DENND5A: variants seen among roughly 807,000 people sequenced by gnomAD.
DENND5A encodes the protein DENN domain-containing protein 5A.
A neutral mutation model predicts 140.3 loss-of-function variants in DENND5A; 64 were observed. The ratio of observed to expected loss-of-function variants is 0.46; its 90% CI spans 0.37 to 0.56. The LOEUF (loss-of-function observed/expected upper bound fraction) is 0.56, where lower values mean the gene tolerates loss of function less well. Among genes scored for constraint, DENND5A ranks in the 20% least tolerant of loss-of-function variants. DENND5A has a pLI of 0.00. For synonymous variants in DENND5A, 605 were observed against 607.7 expected, an observed-to-expected ratio of 1.00 and a Z score of 0.07; for missense variants, 1,292 against 1,593.8, an observed-to-expected ratio of 0.81 and a Z score of 3.22.
chr11:9,245,144 G>A (rs1851413754), intron 1 of DENND5A, among the ~76,000 whole-genome samples: 1 of 151,778 alleles, frequency 6.6e-6, no homozygotes, highest in Non-Finnish European at 1.5e-5. Context: ...AATTAGCTGG[G>A]CATGGTGGCA....
chr11:9,178,729 T>C (rs563099114), intron 7 of DENND5A, 129 bp downstream of exon 7: 268 of 752,150 alleles, frequency 3.6e-4, no homozygotes, highest in Admixed American at 6.4e-4. Context: ...CAACATCAAA[T>C]GGACCATAAA....
At chr11:9,208,756 A>C (rs911276216) in intron 1 of DENND5A, among the ~76,000 whole-genome samples, 3 of 152,254 alleles carry the variant, frequency 2.0e-5, no homozygotes, top group Admixed American at 1.3e-4. Flanking sequence ...TCCTTCTTCC[A>C]AACAAATTCT....
rs556379954 is a variant in DENND5A, at chr11:9,234,174, G to A, written c.110-26542C>T. On this transcript the variant is annotated intron_variant, in intron 1 of 22. Coordinates refer to ENST00000328194, the MANE Select transcript of DENND5A (RefSeq NM_015213.4). The stretch of plus-strand genomic sequence containing the variant: ...AGCCTGGGCAACAGAGCAAAACTCC[G>A]TCTCAAAAAAAAAAAAAAAGGCAAC... 1.4e-4 allele frequency among the ~76,000 whole-genome samples: 18 copies of A among 129,292 alleles called. No homozygotes were observed. The East Asian group carries it at 1.7e-3, about 13-fold the overall frequency. 84.8% of individuals were successfully genotyped at this position (129,292 alleles called of 152,430 possible).
At chr11:9,244,097 A>G (rs541762675) in intron 1 of DENND5A, among the ~76,000 whole-genome samples, 16 of 152,308 alleles carry the variant, frequency 1.1e-4, no homozygotes, top group African/African-American at 3.8e-4. Flanking sequence ...TACACAGAGA[A>G]TTAGTGCCCC....
At position 9,160,791 on chromosome 11, in the gene DENND5A, C is replaced by A. The variant is rs1194710498; in HGVS notation, c.2358G>T (p.Gly786=). Residue 786 remains glycine, a synonymous_variant, in exon 12 of 23, where the codon GGG becomes GGT. Coordinates refer to ENST00000328194, the MANE Select transcript of DENND5A (RefSeq NM_015213.4). Reference sequence around the variant, plus strand: ...TGGCAATCAGGGTGTTCTCTTCCACCCCTGTGATGTTCACCTCCCCATGCC... The same window carrying A: ...TGGCAATCAGGGTGTTCTCTTCCACACCTGTGATGTTCACCTCCCCATGCC... ...ELGHGEVNIT[G]VEENTLIASL... 6.2e-7 allele frequency: 1 copy of A among 1,613,948 alleles called. No individual in the cohort carries two copies. The highest frequency in any genetic ancestry group is 2.2e-5 in the East Asian group (1 of 44,902).
chr11:9,146,923 G>T (rs1847449924), intron 16 of DENND5A, 107 bp downstream of exon 16: 1 of 1,339,320 alleles, frequency 7.5e-7, no homozygotes, highest in East Asian at 2.3e-5. Context: ...CAAATAGAAA[G>T]TACAAGGGAT....
At chr11:9,163,420 T>C (rs1848058969) in intron 11 of DENND5A, among the ~76,000 whole-genome samples, 1 of 152,186 alleles carries the variant, frequency 6.6e-6, no homozygotes, top group African/African-American at 2.4e-5. Flanking sequence ...CATATTAACA[T>C]GTCTAAAATT....
chr11:9,207,043 G>A, intron 2 of DENND5A: 1 of 482,916 alleles, frequency 2.1e-6, no homozygotes, highest in Non-Finnish European at 3.7e-6. Flanking sequence ...AAACCCAATG[G>A]TTAATTTTCA....
At position 9,147,011 on chromosome 11, in the gene DENND5A, G is replaced by A. The variant is rs1285626904; in HGVS notation, c.2857+19C>T. Reference sequence around the variant, plus strand: ...AAGACTGCCTTGAGAAGGCCAGCTGGGAGCACAGGGCTACTCACGGATAGT... The same window carrying A: ...AAGACTGCCTTGAGAAGGCCAGCTGAGAGCACAGGGCTACTCACGGATAGT... On this transcript the variant is annotated intron_variant, in intron 16 of 22. Coordinates refer to ENST00000328194, the MANE Select transcript of DENND5A (RefSeq NM_015213.4). The A allele has an allele frequency of 6.2e-7, 1 of 1,613,948 alleles. No individual in the cohort carries two copies. The highest frequency in any genetic ancestry group is 2.2e-5 in the East Asian group (1 of 44,886).
chr11:9,232,211 C>T (rs1220571526), intron 1 of DENND5A, among the ~76,000 whole-genome samples: 1 of 151,958 alleles, frequency 6.6e-6, no homozygotes, highest in Non-Finnish European at 1.5e-5. Context: ...ATGCACTAAA[C>T]ATTAAGAGAG....
In DENND5A at chr11:9,204,084, G is replaced by A. The variant is rs757429234; in HGVS notation, c.525C>T (p.Ser175=). ...HAPPADDRDQ[S]SMEDGEDTPV... ...GAGTGTCTTCACCATCCTCCATGCT[G>A]CTCTGGTCTCTGTCATCAGCAGGGG... Residue 175 remains serine (S), a synonymous_variant, in exon 4 of 23, where the codon AGC becomes AGT. Coordinates refer to ENST00000328194, the MANE Select transcript of DENND5A (RefSeq NM_015213.4). 1 of 1,614,164 alleles carries A rather than the reference G, an allele frequency of 6.2e-7. No homozygotes were observed. The highest frequency in any genetic ancestry group is 1.1e-5 in the South Asian group (1 of 91,080).
At chr11:9,215,871 G>A (rs1284008785) in intron 1 of DENND5A, among the ~76,000 whole-genome samples, 1 of 152,072 alleles carries the variant, frequency 6.6e-6, no homozygotes, top group East Asian at 1.9e-4. Flanking sequence ...TAATTAATAA[G>A]TTAGTTAGAT....
At chr11:9,235,331 G>C (rs909555844) in intron 1 of DENND5A, among the ~76,000 whole-genome samples, 1 of 152,136 alleles carries the variant, frequency 6.6e-6, no homozygotes, top group Non-Finnish European at 1.5e-5. Flanking sequence ...GGAATAAGGT[G>C]CTGACACATG....
chr11:9,146,947 TA>T, intron 16 of DENND5A, 82 bp downstream of exon 16: 1 of 1,487,314 alleles, frequency 6.7e-7, no homozygotes, highest in Middle Eastern at 1.8e-4. Context: ...CTTCTTTCTT[TA>T]AAAAGGGGAC....
intron 1 of DENND5A, among the ~76,000 whole-genome samples, chr11:9,228,642 C>A (rs1850631968): frequency 6.6e-6 from 1 of 151,630 alleles, no homozygotes; most frequent in African/African-American, 2.4e-5. Flanking sequence ...TCACTTGAAC[C>A]CGGGAGGCAG....
In DENND5A at chr11:9,161,947, T is replaced by A. The variant is rs112451948; in HGVS notation, c.2284-1082A>T. ...TATTAAATTATATATATATATATAT[T>A]GTCCAAAATGAAACAGCAAAGTAGC... On this transcript the variant is annotated intron_variant, in intron 11 of 22. Coordinates refer to ENST00000328194, the MANE Select transcript of DENND5A (RefSeq NM_015213.4). Among the ~76,000 whole-genome samples the A allele has an allele frequency of 7.9e-3, 1,160 of 147,428 alleles. 10 individuals are homozygous for A. The highest frequency in any genetic ancestry group is 0.029 in the African/African-American group (1,094 of 37,978).
At chr11:9,150,457 A>C (rs1847578305) in intron 14 of DENND5A, among the ~76,000 whole-genome samples, 1 of 152,212 alleles carries the variant, frequency 6.6e-6, no homozygotes, top group South Asian at 2.1e-4. Flanking sequence ...TTAGGGCCTG[A>C]GATACTCTCC....
At chr11:9,259,423 G>A (rs1452203773) in intron 1 of DENND5A, among the ~76,000 whole-genome samples, 13 of 151,704 alleles carry the variant, frequency 8.6e-5, no homozygotes, top group African/African-American at 1.7e-4. Context: ...AAAATTAGCC[G>A]GGCGTGGTGG....
At position 9,144,252 on chromosome 11, in the gene DENND5A, T is replaced by C; in HGVS notation, c.3149A>G (p.Lys1050Arg). ...CTCCAGGCTTCCATCATCCATGCCC[T>C]TCCCTAACCACCGGCCACACGGGAA... The part of the protein sequence containing the change: ...YKFPCGRWLG[K>R]GMDDGSLERI... The change falls in exon 19 of 23, where the codon AAG (lysine) becomes AGG (arginine). Residue 1050 changes from lysine to arginine, a missense_variant. Lys to Arg is a conservative substitution (Grantham distance 26). This residue lies in a region of DENND5A where 498 missense variants were observed against 689.7 expected (regional missense o/e 0.72). Coordinates refer to ENST00000328194, the MANE Select transcript of DENND5A (RefSeq NM_015213.4). The C allele has an allele frequency of 1.9e-6, 3 of 1,614,102 alleles. No individual in the cohort carries two copies. Among genetic ancestry groups the C allele is most frequent in the Non-Finnish European group, 2.5e-6 (3 of 1,179,992 alleles).
Sources: gnomAD v4.1 joint callset for allele counts (sites outside exome capture counted in the v4.1 genomes callset) on GRCh38, gnomAD v4.1.1 for gene constraint, gnomAD v4.1.1 regional missense constraint, MANE v1.5 for transcripts, NCBI Gene and HGNC (gene_info 2026-07-23, HGNC 2026-07-21) for gene names.